The following RIPOR3 variants were observed in gnomAD, a reference collection of about 807,000 sequenced individuals.
The protein encoded by RIPOR3 is RIPOR family member 3, also known as family with sequence similarity 65 member C.
Under a neutral mutation model 114.3 loss-of-function variants are expected in RIPOR3, and 95 were observed. The ratio of observed to expected loss-of-function variants is 0.83; its 90% CI spans 0.70 to 0.99. The LOEUF (loss-of-function observed/expected upper bound fraction) is 0.99, where lower values mean the gene tolerates loss of function less well. RIPOR3 is among the 50% of genes least tolerant of loss of function. The pLI, the probability that RIPOR3 is intolerant of heterozygous loss-of-function variation, is 0.00. For synonymous variants in RIPOR3, 575 were observed against 543.8 expected (o/e 1.06, Z -0.80); for missense variants, 1,252 against 1,266.9 (o/e 0.99, Z 0.18).
intron 1 of RIPOR3, chr20:50,662,033 T>A (rs1004231290): frequency 6.6e-6 from 1 of 152,466 alleles, no homozygotes. Context: ...GGTTCTGCAA[T>A]CAGCAGCCCC....
chr20:50,630,529 A>G (rs1261329210), intron 2 of RIPOR3, among the ~76,000 whole-genome samples: 5 of 151,772 alleles, frequency 3.3e-5, no homozygotes, highest in Non-Finnish European at 7.4e-5. Flanking sequence ...GGTTTATCCC[A>G]ACACTAAGAA....
Position 50,615,940 on chromosome 20 carries a change from G to C in RIPOR3, c.348+62C>G, listed in dbSNP as rs1215423783. ...GTGACATAGGCTAGAAGGAACGCAG[G>C]GTTCATCTTTTACTCCTGGCCAAGG... On this transcript the variant is annotated intron_variant, in intron 4 of 21. Transcript: ENST00000327979. 6.8e-6 allele frequency: 10 copies of C among 1,478,396 alleles called. No homozygotes were observed. The East Asian group carries it at 7.2e-5, about 11-fold the overall frequency. The allele number at this position is 1,478,396 out of a possible 1,614,324, so 91.6% of individuals were successfully genotyped here.
intron 1 of RIPOR3, among the ~76,000 whole-genome samples, chr20:50,666,663 C>T (rs1273211341): frequency 3.3e-5 from 5 of 151,990 alleles, no homozygotes; most frequent in Non-Finnish European, 5.9e-5. Context: ...TGGGTTCAAG[C>T]GATTCTCCCT....
chr20:50,662,727 C>CCG (rs3971644), intron 1 of RIPOR3, among the ~76,000 whole-genome samples: 151,113 of 152,310 alleles, frequency 0.99, 74,978 homozygotes, highest in Middle Eastern at 1. Context: ...CACTCTCTGG[C>CCG]TGGTGACACG....
chr20:50,590,285 AGCT>A (rs1357524702), intron 19 of RIPOR3, among the ~76,000 whole-genome samples: 1 of 152,204 alleles, frequency 6.6e-6, no homozygotes, highest in Non-Finnish European at 1.5e-5. Context: ...AACTTGACTC[AGCT>A]GAAAACAAAG....
At chr20:50,670,274 T>C (rs2086423914) in intron 1 of RIPOR3, among the ~76,000 whole-genome samples, 1 of 151,008 alleles carries the variant, frequency 6.6e-6, no homozygotes, top group Non-Finnish European at 1.5e-5. Flanking sequence ...TCGGCCAAAA[T>C]GCCAGAAAGC....
chr20:50,666,629 A>G (rs963387704), intron 1 of RIPOR3, among the ~76,000 whole-genome samples: 1 of 151,018 alleles, frequency 6.6e-6, no homozygotes, highest in Non-Finnish European at 1.5e-5. Flanking sequence ...CGGTGGTGCC[A>G]TCTCAGCTCA....
rs113193120 is a variant in RIPOR3, at chr20:50,623,098, T to C, written c.123-2966A>G. On this transcript the variant is annotated intron_variant, in intron 2 of 21. Coordinates refer to ENST00000327979, the MANE Select transcript of RIPOR3 (RefSeq NM_001290268.2). ...GACCAACCTGGTGAAACCCCGTCTCTACTAAACAAAAAATTAGCCAGGCGT... is the reference window on the plus strand; with the variant it reads ...GACCAACCTGGTGAAACCCCGTCTCCACTAAACAAAAAATTAGCCAGGCGT... 1.1e-3 allele frequency among the ~76,000 whole-genome samples: 167 copies of C among 151,736 alleles called. 1 individual carries two copies. The highest frequency in any genetic ancestry group is 3.4e-3 in the Middle Eastern group (1 of 292).
intron 12 of RIPOR3, among the ~76,000 whole-genome samples, chr20:50,603,058 C>G (rs1243712978): frequency 6.6e-6 from 1 of 152,210 alleles, no homozygotes; most frequent in Non-Finnish European, 1.5e-5. Context: ...TTTTAAGTGG[C>G]AATTTCTACC....
chr20:50,642,572 C>T (rs1300543299), intron 1 of RIPOR3, among the ~76,000 whole-genome samples: 3 of 151,474 alleles, frequency 2.0e-5, no homozygotes, highest in African/African-American at 7.3e-5. Context: ...TGCAAAGTCC[C>T]CCAGGGTATG....
intron 4 of RIPOR3, among the ~76,000 whole-genome samples, chr20:50,614,484 C>A (rs1490998245): frequency 3.3e-5 from 5 of 152,170 alleles, no homozygotes. Context: ...AGTAGCAAGG[C>A]CTCCTTGCTT....
At chr20:50,657,396 A>G (rs889785019) in intron 1 of RIPOR3, among the ~76,000 whole-genome samples, 2 of 152,160 alleles carry the variant, frequency 1.3e-5, no homozygotes, top group East Asian at 1.9e-4. Flanking sequence ...GCCTGGTGGC[A>G]TGTGCCTGTA....
intron 1 of RIPOR3, chr20:50,645,619 T>C (rs2245361): frequency 0.34 from 52,139 of 152,658 alleles, 10,004 homozygotes; most frequent in African/African-American, 0.52. Flanking sequence ...CCATCCCCGC[T>C]CCCTCCAGCT....
At chr20:50,660,450 C>A (rs1035830732) in intron 1 of RIPOR3, among the ~76,000 whole-genome samples, 1 of 152,170 alleles carries the variant, frequency 6.6e-6, no homozygotes, top group Admixed American at 6.5e-5. Flanking sequence ...ATAACCCACT[C>A]TCACAGCAAT....
Position 50,670,190 on chromosome 20 carries a change from G to A in RIPOR3, c.3+20936C>T, listed in dbSNP as rs902990986. 1.1e-4 allele frequency among the ~76,000 whole-genome samples: 16 copies of A among 150,632 alleles called. No homozygotes were observed. In the East Asian group the frequency reaches 2.3e-3, roughly 22 times the overall value. On this transcript the variant is annotated intron_variant, in intron 1 of 21. Coordinates refer to ENST00000327979, the MANE Select transcript of RIPOR3 (RefSeq NM_001290268.2). ...AAAAAAAAAAAAAAAAGAAGAGGGCGCTCTGAGCCAAGGTAGAGCCAAGTC... is the reference window on the plus strand; with the variant it reads ...AAAAAAAAAAAAAAAAGAAGAGGGCACTCTGAGCCAAGGTAGAGCCAAGTC...
Position 50,595,472 on chromosome 20 carries a change from G to A in RIPOR3, c.1947C>T (p.Val649=), listed in dbSNP as rs1324842805. The part of the protein sequence containing the change: ...KLASPNLSRL[V]QECLLEEVAQ... ...CCACTTCTTCCAGGAGGCATTCCTG[G>A]ACCAGCCTTGATAAATTAGGGGAGG... The change falls in exon 16 of 22, where the codon GTC becomes GTT. Residue 649 remains valine, a synonymous_variant. Coordinates refer to ENST00000327979, the MANE Select transcript of RIPOR3 (RefSeq NM_001290268.2). 2.5e-6 allele frequency: 4 copies of A among 1,614,092 alleles called. No individual in the cohort carries two copies. Among genetic ancestry groups the A allele is most frequent in the Admixed American group, 3.3e-5 (2 of 60,026 alleles).
intron 1 of RIPOR3, among the ~76,000 whole-genome samples, chr20:50,649,721 A>G (rs556300653): frequency 6.6e-6 from 1 of 152,270 alleles, no homozygotes; most frequent in Non-Finnish European, 1.5e-5. Flanking sequence ...TGTAAAAGCC[A>G]TTTGGATGAC....
At chr20:50,600,101 C>T (rs1193717020) in intron 13 of RIPOR3, among the ~76,000 whole-genome samples, 1 of 152,136 alleles carries the variant, frequency 6.6e-6, no homozygotes, top group Non-Finnish European at 1.5e-5. Flanking sequence ...CGGGGTTTTG[C>T]CATGTTGGCC....
At chr20:50,595,348 G>A (rs757554018) in intron 16 of RIPOR3, 21 bp downstream of exon 16, 2 of 1,608,612 alleles carry the variant, frequency 1.2e-6, no homozygotes, top group East Asian at 2.2e-5. Context: ...GGCAGCCCCT[G>A]GGTGGCAGGC....
Sources: allele counts gnomAD v4.1 joint callset (sites outside exome capture counted in the v4.1 genomes callset), GRCh38; gene constraint gnomAD v4.1.1; transcripts MANE v1.5; gene names NCBI Gene and HGNC (gene_info 2026-07-23, HGNC 2026-07-21).